The following FSTL4 variants were observed in gnomAD, a reference collection of about 807,000 sequenced individuals.
FSTL4 encodes follistatin-related protein 4.
FSTL4 carries 28 observed loss-of-function variants against 78.2 expected under a neutral mutation model. The ratio of observed to expected loss-of-function variants is 0.36; its 90% confidence interval spans 0.27 to 0.49. FSTL4 has a LOEUF of 0.49. Ranked by LOEUF, FSTL4 falls within the 20% of genes least tolerant of loss-of-function variation. The pLI is 0.98. For synonymous variants in FSTL4, 422 were observed against 440.5 expected, an observed-to-expected ratio of 0.96 and a Z score of 0.53; for missense variants, 922 against 1,084.9, an observed-to-expected ratio of 0.85 and a Z score of 2.11.
chr5:133,716,384 A>AATAT, the FSTL4 span, among the ~76,000 whole-genome samples: 58 of 147,592 alleles, frequency 3.9e-4, no homozygotes, highest in African/African-American at 1.0e-3. Context: ...TTTATATAAG[A>AATAT]ATATATATAT....
the FSTL4 span, among the ~76,000 whole-genome samples, chr5:133,701,468 AACACACACAC>A: frequency 5.5e-4 from 71 of 129,078 alleles, 1 homozygote; most frequent in African/African-American, 1.3e-3. Context: ...AAGACACAGA[AACACACACAC>A]ACACACACAC....
the FSTL4 span, among the ~76,000 whole-genome samples, chr5:133,780,795 A>G: frequency 5.9e-5 from 9 of 152,092 alleles, no homozygotes; most frequent in Non-Finnish European, 1.0e-4. Context: ...GAGGCTACAG[A>G]ACTTGCTCAG....
At chr5:133,710,711 C>G in the FSTL4 span, among the ~76,000 whole-genome samples, 1 of 152,194 alleles carries the variant, frequency 6.6e-6, no homozygotes, top group Admixed American at 6.5e-5. Context: ...GGCTGTGCAA[C>G]CTGGTTGTTG....
chr5:133,217,498 A>C (rs1171388087), intron 12 of FSTL4, 120 bp from the exon 13 acceptor site: 1 of 942,340 alleles, frequency 1.1e-6, no homozygotes, highest in East Asian at 2.6e-5. Context: ...AATCCTTTGG[A>C]TCCATAGAAC....
chr5:133,671,031 C>T, the FSTL4 span, among the ~76,000 whole-genome samples: 3 of 152,152 alleles, frequency 2.0e-5, no homozygotes, highest in African/African-American at 7.2e-5. Context: ...AGTTCCAAGC[C>T]TAGGCACATC....
At chr5:133,821,120 G>A in the FSTL4 span, among the ~76,000 whole-genome samples, 2 of 152,306 alleles carry the variant, frequency 1.3e-5, no homozygotes, top group East Asian at 3.9e-4. Context: ...AGGAGGTAAG[G>A]AAAGAAAGAA....
chr5:133,799,338 C>T, the FSTL4 span, among the ~76,000 whole-genome samples: 23,233 of 137,720 alleles, frequency 0.17, 5,973 homozygotes, highest in African/African-American at 0.36. Context: ...CTGTGACCAG[C>T]ACCCATTCAA....
chr5:133,221,059 G>A, intron 11 of FSTL4, 193 bp from the exon 12 acceptor site: 1 of 679,426 alleles, frequency 1.5e-6, no homozygotes, highest in South Asian at 1.5e-5. Flanking sequence ...GGGCCCCCCA[G>A]GACTATGAAT....
chr5:133,753,955 A>T, the FSTL4 span, among the ~76,000 whole-genome samples: 7 of 152,186 alleles, frequency 4.6e-5, no homozygotes, highest in African/African-American at 1.4e-4. Context: ...AAAATAGGAT[A>T]AAAAAGGAGA....
chr5:133,833,448 T>C, the FSTL4 span, among the ~76,000 whole-genome samples: 1 of 152,262 alleles, frequency 6.6e-6, no homozygotes, highest in Non-Finnish European at 1.5e-5. Flanking sequence ...AAGCAGATCC[T>C]GAATATGCTG....
At chr5:133,633,646 A>G in the FSTL4 span, among the ~76,000 whole-genome samples, 3 of 152,080 alleles carry the variant, frequency 2.0e-5, no homozygotes, top group Non-Finnish European at 4.4e-5. Context: ...TCATTGTTTG[A>G]TATCTTCCTG....
At chr5:133,628,670 G>GT in the FSTL4 span, among the ~76,000 whole-genome samples, 3 of 151,836 alleles carry the variant, frequency 2.0e-5, no homozygotes, top group Admixed American at 6.6e-5. Flanking sequence ...ACCAGGAGCT[G>GT]TTTTTTTGAA....
the FSTL4 span, among the ~76,000 whole-genome samples, chr5:133,823,652 T>C: frequency 6.6e-6 from 1 of 151,914 alleles, no homozygotes; most frequent in Admixed American, 6.6e-5. Flanking sequence ...ACCAGGGGAG[T>C]CCTGCTTGGC....
At chr5:133,315,444 C>T (rs1412939621) in intron 5 of FSTL4, among the ~76,000 whole-genome samples, 1 of 152,204 alleles carries the variant, frequency 6.6e-6, no homozygotes, top group East Asian at 1.9e-4. Context: ...AAGCACATGG[C>T]TCAATGAATG....
At position 133,343,186 on chromosome 5, in the gene FSTL4, G is replaced by A. The variant is rs79907365; in HGVS notation, c.410-26534C>T. Among the ~76,000 whole-genome samples the A allele has an allele frequency of 6.3e-3, 958 of 152,316 alleles. 5 individuals are homozygous for A. Among genetic ancestry groups the A allele is most frequent in the South Asian group, 1.0e-2 (48 of 4,824 alleles). On this transcript the variant is annotated intron_variant, in intron 4 of 15. Transcript: ENST00000265342. ...GTTAGCAAGAGGTAAAGCAGGGTGC[G>A]GATTCCCTTAGCAACTCTGGAAGAA... is the stretch of plus-strand genomic sequence containing the variant.
At chr5:133,676,340 A>C in the FSTL4 span, among the ~76,000 whole-genome samples, 1 of 152,234 alleles carries the variant, frequency 6.6e-6, no homozygotes, top group African/African-American at 2.4e-5. Context: ...CCTTTCAGAT[A>C]GATGGAGAAA....
chr5:133,681,432 C>A, the FSTL4 span, among the ~76,000 whole-genome samples: 19 of 152,334 alleles, frequency 1.2e-4, no homozygotes, highest in South Asian at 6.2e-4. Context: ...AGCTACCAGA[C>A]GGACTTGGCT....
intron 4 of FSTL4, among the ~76,000 whole-genome samples, chr5:133,368,762 C>G (rs1453296195): frequency 6.6e-6 from 1 of 152,330 alleles, no homozygotes; most frequent in Non-Finnish European, 1.5e-5. Context: ...GCCCCATGGG[C>G]AGCTGTGCCC....
At chr5:133,738,675 G>A in the FSTL4 span, among the ~76,000 whole-genome samples, 1 of 152,112 alleles carries the variant, frequency 6.6e-6, no homozygotes, top group African/African-American at 2.4e-5. Flanking sequence ...TTTATCTTGG[G>A]GGAGGTAGTA....
Sources: gnomAD v4.1 joint callset for allele counts (sites outside exome capture counted in the v4.1 genomes callset) on GRCh38, gnomAD v4.1.1 for gene constraint, MANE v1.5 for transcripts, NCBI Gene and HGNC (gene_info 2026-07-23, HGNC 2026-07-21) for gene names.